Variants in HECTD2 observed in about 807,000 individuals in gnomAD.
HECTD2 encodes the protein HECT domain E3 ubiquitin protein ligase 2.
Under a neutral mutation model 103.2 loss-of-function variants are expected in HECTD2, and 35 were observed. The observed-to-expected ratio is 0.34, with a 90% CI of 0.26 to 0.45. The LOEUF is 0.45. Ranked by LOEUF, HECTD2 falls within the 20% of genes least tolerant of loss-of-function variation. The probability of loss-of-function intolerance (pLI) is 1.00; values close to 1 mark genes in which losing one functional copy is unlikely to be tolerated. For missense variants in HECTD2, 596 were observed against 937.4 expected (o/e 0.64, Z 4.76); for synonymous variants, 281 against 329.9 (o/e 0.85, Z 1.61).
At chr10:91,439,899 A>G (rs1267068737) in intron 2 of HECTD2, among the ~76,000 whole-genome samples, 2 of 152,096 alleles carry the variant, frequency 1.3e-5, no homozygotes, top group East Asian at 1.9e-4. Flanking sequence ...TATTTGGTGT[A>G]TAGGAATGCT....
chr10:91,485,039 C>A, intron 9 of HECTD2, 141 bp from the exon 10 acceptor site: 1 of 557,704 alleles, frequency 1.8e-6, no homozygotes, highest in Non-Finnish European at 3.0e-6. Flanking sequence ...TAAATTACCC[C>A]TTTCATTTGG....
At chr10:91,461,737 C>A (rs756980263) in intron 4 of HECTD2, among the ~76,000 whole-genome samples, 7 of 151,912 alleles carry the variant, frequency 4.6e-5, no homozygotes, top group Non-Finnish European at 1.0e-4. Flanking sequence ...TTAGTAGAAA[C>A]AGGGTTTCAC....
intron 5 of HECTD2, among the ~76,000 whole-genome samples, chr10:91,467,048 CA>C (rs922626223): frequency 6.6e-6 from 1 of 151,794 alleles, no homozygotes; most frequent in Non-Finnish European, 1.5e-5. Flanking sequence ...TGAGATTGGA[CA>C]GATGGAGGAC....
At chr10:91,469,696 CA>C (rs1271087421) in intron 5 of HECTD2, among the ~76,000 whole-genome samples, 1 of 152,148 alleles carries the variant, frequency 6.6e-6, no homozygotes, top group Non-Finnish European at 1.5e-5. Context: ...ACCACAAAAT[CA>C]AGTCTGCATA....
chr10:91,421,780 C>T (rs1843369419), intron 1 of HECTD2, among the ~76,000 whole-genome samples: 1 of 152,212 alleles, frequency 6.6e-6, no homozygotes, highest in Admixed American at 6.5e-5. Flanking sequence ...AAGATGCCCT[C>T]TTCTATACAG....
rs1426534450 is a variant in HECTD2, at chr10:91,461,239, G to A, written c.408-15G>A. 37 of 1,170,944 alleles carry A rather than the reference G, an allele frequency of 3.2e-5. No individual in the cohort carries two copies. Among genetic ancestry groups the A allele is most frequent in the Non-Finnish European group, 4.1e-5 (33 of 808,778 alleles). The allele number at this position is 1,170,944 out of a possible 1,614,324, so 72.5% of individuals were successfully genotyped here. On this transcript the variant is annotated splice_polypyrimidine_tract_variant and intron_variant, in intron 3 of 20. Transcript: ENST00000298068. ...ATTTCTATATGTATATACGGTTAAT[G>A]TGTTTTCATTTTAGGGAAGATGTAG...
chr10:91,449,811 A>C (rs1844717991), intron 2 of HECTD2, among the ~76,000 whole-genome samples: 1 of 151,384 alleles, frequency 6.6e-6, no homozygotes, highest in Non-Finnish European at 1.5e-5. Flanking sequence ...CTAGCAATAC[A>C]ACTTACAAAG....
intron 2 of HECTD2, among the ~76,000 whole-genome samples, chr10:91,444,236 C>G (rs1019527958): frequency 1.3e-5 from 2 of 152,164 alleles, no homozygotes; most frequent in Admixed American, 1.3e-4. Context: ...TATTCACACA[C>G]AGAGCATATA....
In HECTD2 at chr10:91,460,470, G is replaced by A. The variant is rs779535332; in HGVS notation, c.312G>A (p.Gln104=). Residue 104 remains glutamine, a synonymous_variant, in exon 3 of 21, where the codon CAG becomes CAA. Coordinates refer to ENST00000298068, the MANE Select transcript of HECTD2 (RefSeq NM_182765.6). ...TTTGCCTTGATGTTAGACAAAAACA[G>A]CGTACATCTATGGATGCATCATCAT... The part of the protein sequence containing the change: ...PPICLDVRQK[Q]RTSMDASSSE... 1 of 1,611,768 alleles carries A rather than the reference G, an allele frequency of 6.2e-7. No individual in the cohort carries two copies. The highest frequency in any genetic ancestry group is 8.5e-7 in the Non-Finnish European group (1 of 1,178,762).
chr10:91,490,587 T>A (rs1004328150), intron 11 of HECTD2, among the ~76,000 whole-genome samples: 10 of 152,118 alleles, frequency 6.6e-5, no homozygotes, highest in Non-Finnish European at 7.4e-5. Flanking sequence ...ACAGAAAACT[T>A]TGCTATTTAA....
intron 19 of HECTD2, 118 bp from the exon 20 acceptor site, chr10:91,501,073 A>G (rs990214084): frequency 2.6e-6 from 2 of 771,894 alleles, no homozygotes; most frequent in African/African-American, 3.6e-5. Context: ...AATTTTACAG[A>G]AATTCAGGAT....
chr10:91,426,944 T>C lies in HECTD2; in HGVS notation c.268+1534T>C, dbSNP rs1326431379. ...ATACATGTGCCATGCTGGTGTGCTG[T>C]ACCCATTAACTCGTCATTTAGCATT... is the stretch of plus-strand genomic sequence containing the variant. On this transcript the variant is annotated intron_variant, in intron 2 of 20. Transcript: ENST00000298068. Among the ~76,000 whole-genome samples, 23 of 150,236 alleles carry C rather than the reference T, an allele frequency of 1.5e-4. 1 individual carries two copies. Among genetic ancestry groups the C allele is most frequent in the Admixed American group, 9.3e-4 (14 of 15,112 alleles).
intron 20 of HECTD2, among the ~76,000 whole-genome samples, chr10:91,510,449 C>A (rs1422944895): frequency 6.6e-6 from 1 of 152,160 alleles, no homozygotes; most frequent in Non-Finnish European, 1.5e-5. Flanking sequence ...ATCCTGGACA[C>A]ATTTTTTCTT....
At chr10:91,472,653 C>G (rs1318725722) in intron 5 of HECTD2, among the ~76,000 whole-genome samples, 3 of 152,140 alleles carry the variant, frequency 2.0e-5, no homozygotes, top group African/African-American at 7.2e-5. Context: ...CATGAGCAGA[C>G]ACTTCAAAAG....
chr10:91,411,716 A>G (rs767772992), intron 1 of HECTD2, among the ~76,000 whole-genome samples: 2 of 152,248 alleles, frequency 1.3e-5, no homozygotes, highest in Non-Finnish European at 2.9e-5. Flanking sequence ...AACAGTAATG[A>G]TACACGTTTA....
At chr10:91,409,784 A>G (rs1842838336), upstream of HECTD2, among the ~76,000 whole-genome samples, 1 of 152,044 alleles carries the variant, frequency 6.6e-6, no homozygotes, top group Non-Finnish European at 1.5e-5. Context: ...GCGGGCAAGG[A>G]TAAGAAGGCA....
At chr10:91,477,936 T>C (rs966850263) in intron 5 of HECTD2, among the ~76,000 whole-genome samples, 1 of 152,204 alleles carries the variant, frequency 6.6e-6, no homozygotes, top group African/African-American at 2.4e-5. Context: ...TTTCCAGTTA[T>C]ATAAAAATTC....
chr10:91,499,281 C>CTTTT, intron 18 of HECTD2, 131 bp downstream of exon 18: 1 of 581,622 alleles, frequency 1.7e-6, no homozygotes, highest in East Asian at 3.0e-5. Context: ...AAAAGTAGAA[C>CTTTT]TAAAAACAAA....
At chr10:91,436,179 G>T (rs1844109959) in intron 2 of HECTD2, among the ~76,000 whole-genome samples, 1 of 151,844 alleles carries the variant, frequency 6.6e-6, no homozygotes, top group Non-Finnish European at 1.5e-5. Context: ...CTCCATATTG[G>T]AGGCTGTCAT....
Sources: gnomAD v4.1 joint callset for allele counts (sites outside exome capture counted in the v4.1 genomes callset) on GRCh38, gnomAD v4.1.1 for gene constraint, MANE v1.5 for transcripts, NCBI Gene and HGNC (gene_info 2026-07-23, HGNC 2026-07-21) for gene names.